Variants in SLC24A2 observed in about 807,000 individuals in gnomAD.
SLC24A2 encodes the protein sodium/potassium/calcium exchanger 2.
In SLC24A2, 36 loss-of-function variants were observed where a neutral mutation model predicts 62.0. The ratio of observed to expected loss-of-function variants is 0.58; its 90% CI spans 0.44 to 0.77. The LOEUF is 0.77. SLC24A2 is among the 30% of genes least tolerant of loss of function. The pLI, the probability that SLC24A2 is intolerant of heterozygous loss-of-function variation, is 0.00. For missense variants in SLC24A2, 846 were observed against 817.9 expected, an observed-to-expected ratio of 1.03 and a Z score of -0.42; for synonymous variants, 358 against 294.0, an observed-to-expected ratio of 1.22 and a Z score of -2.23.
At chr9:19,664,122 C>T (rs1819181162) in intron 2 of SLC24A2, among the ~76,000 whole-genome samples, 1 of 152,156 alleles carries the variant, frequency 6.6e-6, no homozygotes, top group African/African-American at 2.4e-5. Flanking sequence ...TAGATTAACA[C>T]CCTTGGATAA....
At chr9:20,171,116 C>T in the SLC24A2 span, among the ~76,000 whole-genome samples, 1 of 151,954 alleles carries the variant, frequency 6.6e-6, no homozygotes, top group Non-Finnish European at 1.5e-5. Context: ...TCCAGCAAAA[C>T]TAAGCCTTAT....
chr9:20,006,417 A>T, the SLC24A2 span, among the ~76,000 whole-genome samples: 1 of 151,998 alleles, frequency 6.6e-6, no homozygotes, highest in Non-Finnish European at 1.5e-5. Flanking sequence ...GCACAACAAG[A>T]TGACTACAGT....
At chr9:19,715,809 C>T (rs1466250868) in intron 2 of SLC24A2, among the ~76,000 whole-genome samples, 1 of 152,206 alleles carries the variant, frequency 6.6e-6, no homozygotes, top group Non-Finnish European at 1.5e-5. Flanking sequence ...AAGTACCTAG[C>T]AGAAAATACC....
chr9:20,031,371 ATATAAT>A, the SLC24A2 span, among the ~76,000 whole-genome samples: 3 of 134,110 alleles, frequency 2.2e-5, no homozygotes, highest in Admixed American at 2.5e-4. Context: ...ATATATATAT[ATATAAT>A]TTTTTTCTGT....
intron 2 of SLC24A2, among the ~76,000 whole-genome samples, chr9:19,667,089 G>A (rs1434932698): frequency 3.3e-5 from 5 of 151,978 alleles, no homozygotes; most frequent in African/African-American, 7.3e-5. Flanking sequence ...GAAGTAACTC[G>A]ATTTTCTGGA....
At chr9:19,920,245 G>C in the SLC24A2 span, among the ~76,000 whole-genome samples, 1 of 152,120 alleles carries the variant, frequency 6.6e-6, no homozygotes. Context: ...TCATTTGGTA[G>C]ACTCTCAATA....
At chr9:20,280,124 A>G in the SLC24A2 span, among the ~76,000 whole-genome samples, 2 of 152,206 alleles carry the variant, frequency 1.3e-5, no homozygotes, top group Non-Finnish European at 2.9e-5. Context: ...GGGATTCTTG[A>G]AAAAGTAGTT....
the SLC24A2 span, among the ~76,000 whole-genome samples, chr9:20,033,210 G>A: frequency 1.3e-5 from 2 of 152,154 alleles, no homozygotes; most frequent in Non-Finnish European, 2.9e-5. Flanking sequence ...AAAAGACCTT[G>A]AGCAGTGTAG....
chr9:19,557,256 T>C (rs1835140861), intron 7 of SLC24A2, among the ~76,000 whole-genome samples: 1 of 152,122 alleles, frequency 6.6e-6, no homozygotes, highest in African/African-American at 2.4e-5. Flanking sequence ...ATTAAACCCA[T>C]TAAAATAAAA....
the SLC24A2 span, among the ~76,000 whole-genome samples, chr9:20,168,796 C>G: frequency 6.6e-6 from 1 of 151,986 alleles, no homozygotes; most frequent in Non-Finnish European, 1.5e-5. Context: ...AACAATTTGG[C>G]AATTCCTCAA....
chr9:19,571,027 T>C (rs988740971), intron 7 of SLC24A2, among the ~76,000 whole-genome samples: 1 of 152,192 alleles, frequency 6.6e-6, no homozygotes, highest in African/African-American at 2.4e-5. Context: ...TTTGCTCCCC[T>C]GCAGCAAGGT....
At chr9:19,841,905 G>A in the SLC24A2 span, among the ~76,000 whole-genome samples, 3 of 152,176 alleles carry the variant, frequency 2.0e-5, no homozygotes, top group South Asian at 2.1e-4. Context: ...GTCTATGGTG[G>A]CAGGGATGGA....
At chr9:19,676,257 T>C (rs1441780300) in intron 2 of SLC24A2, among the ~76,000 whole-genome samples, 4 of 152,196 alleles carry the variant, frequency 2.6e-5, no homozygotes, top group Non-Finnish European at 5.9e-5. Context: ...GCAATCTGCT[T>C]CCTTCAAAGG....
chr9:20,031,470 A>G, the SLC24A2 span, among the ~76,000 whole-genome samples: 1 of 151,100 alleles, frequency 6.6e-6, no homozygotes, highest in African/African-American at 2.4e-5. Flanking sequence ...TGAAATGCTA[A>G]GAATTAAATT....
the SLC24A2 span, among the ~76,000 whole-genome samples, chr9:20,050,692 A>G: frequency 1.3e-5 from 2 of 152,224 alleles, no homozygotes; most frequent in African/African-American, 2.4e-5. Context: ...ACGTGAATAC[A>G]TTACCCAGCA....
the SLC24A2 span, among the ~76,000 whole-genome samples, chr9:20,102,463 A>C: frequency 3.3e-5 from 4 of 121,616 alleles, no homozygotes; most frequent in Non-Finnish European, 6.5e-5. Context: ...AGACACAGGG[A>C]GGTGAACATC....
the SLC24A2 span, among the ~76,000 whole-genome samples, chr9:19,834,281 T>C: frequency 6.6e-6 from 1 of 151,916 alleles, no homozygotes; most frequent in Non-Finnish European, 1.5e-5. Flanking sequence ...TACTCTGAGC[T>C]AAAGGAGGAA....
At chr9:20,015,339 C>A in the SLC24A2 span, among the ~76,000 whole-genome samples, 1 of 152,158 alleles carries the variant, frequency 6.6e-6, no homozygotes, top group Non-Finnish European at 1.5e-5. Flanking sequence ...CTTGTAGATG[C>A]AGGTGCACTG....
chr9:20,284,985 A>C, the SLC24A2 span, among the ~76,000 whole-genome samples: 1 of 152,226 alleles, frequency 6.6e-6, no homozygotes, highest in Non-Finnish European at 1.5e-5. Flanking sequence ...AAGCAAGCCA[A>C]ATATAATTCT....
Sources: allele counts gnomAD v4.1 joint callset (sites outside exome capture counted in the v4.1 genomes callset), GRCh38; gene constraint gnomAD v4.1.1; transcripts MANE v1.5; gene names NCBI Gene and HGNC (gene_info 2026-07-23, HGNC 2026-07-21).